The following URB1 variants were observed in gnomAD, a reference collection of about 807,000 sequenced individuals.
URB1 encodes URB1 ribosome biogenesis factor, also known as nucleolar pre-ribosomal-associated protein 1.
In URB1, 197 loss-of-function variants were observed where a neutral mutation model predicts 242.3. The observed-to-expected ratio is 0.81, with a 90% CI of 0.72 to 0.91. The LOEUF (loss-of-function observed/expected upper bound fraction) is 0.91, where lower values mean the gene tolerates loss of function less well. Among genes scored for constraint, URB1 ranks in the 40% least tolerant of loss-of-function variants. URB1 has a pLI of 0.00. For synonymous variants in URB1, 1,153 were observed against 1,201.8 expected (o/e 0.96, Z 0.84); for missense variants, 2,721 against 2,860.5 (o/e 0.95, Z 1.11).
chr21:32,363,865 G>A (rs2033316715), intron 10 of URB1, among the ~76,000 whole-genome samples: 1 of 151,796 alleles, frequency 6.6e-6, no homozygotes. Flanking sequence ...ATGTTGCCCA[G>A]GCCGGCCTCA....
In URB1 at chr21:32,354,964, A is replaced by G. The variant is rs756572863; in HGVS notation, c.2140T>C (p.Tyr714His). 1 of 1,551,908 alleles carries G rather than the reference A, an allele frequency of 6.4e-7. No homozygotes were observed. The highest frequency in any genetic ancestry group is 1.4e-5 in the African/African-American group (1 of 73,160). Residue 714 changes from tyrosine (Y) to histidine (H), a missense_variant, in exon 17 of 39, where the codon TAC (tyrosine) becomes CAC (histidine). Transcript: ENST00000382751. ...LLTLVANPYS[Y>H]TDKASDFVQE... is the part of the protein sequence containing the mutation. ...ACAAAGTCAGATGCTTTGTCTGTGT[A>G]TGAATAGGGATTCGCCACCAATGTC...
Position 32,373,653 on chromosome 21 carries a change from A to G in URB1, c.870T>C (p.Asn290=). ...AACCAAAAAGTGTCTGCACCTTGAC[A>G]TTTTCTGGGTTCACATCGGTAATCC... The part of the protein sequence containing the change: ...WNGITDVNPE[N]VKVSAEEAGK... The change falls in exon 7 of 39, where the codon AAT becomes AAC. Residue 290 remains asparagine (N), a synonymous_variant. Transcript: ENST00000382751. 1.3e-6 allele frequency: 2 copies of G among 1,536,974 alleles called. No homozygotes were observed. Among genetic ancestry groups the G allele is most frequent in the Non-Finnish European group, 1.8e-6 (2 of 1,142,690 alleles).
Position 32,378,436 on chromosome 21 carries a change from TACACCTACCTTTCACTTCCA to T in URB1, c.653_664+8del. ...TGGGCTTTCCTAACGGACAAGGGAGTACACCTACCTTTCACTTCCAACACCTGCACTATAGTGCTGTCATC... is the reference window on the plus strand; with the variant it reads ...TGGGCTTTCCTAACGGACAAGGGAGTACACCTGCACTATAGTGCTGTCATC... On this transcript the variant is annotated splice_donor_variant and splice_donor_5th_base_variant and coding_sequence_variant and intron_variant, in exon 5 of 39. Coordinates refer to ENST00000382751, the MANE Select transcript of URB1 (RefSeq NM_014825.3). LOFTEE classifies it high-confidence loss of function. 6.5e-7 allele frequency: 1 copy of T among 1,548,160 alleles called. No individual in the cohort carries two copies. Among genetic ancestry groups the T allele is most frequent in the Non-Finnish European group, 8.7e-7 (1 of 1,143,898 alleles).
chr21:32,349,229 T>C, intron 21 of URB1, 75 bp downstream of exon 21: 1 of 1,434,110 alleles, frequency 7.0e-7, no homozygotes, highest in Non-Finnish European at 9.2e-7. Flanking sequence ...CCTATGTTTG[T>C]TTTTAATCAG....
At chr21:32,378,346 T>C in intron 5 of URB1, 99 bp downstream of exon 5, 2 of 1,114,856 alleles carry the variant, frequency 1.8e-6, no homozygotes, top group Non-Finnish European at 2.6e-6. Flanking sequence ...ACACAGCAAC[T>C]GCAAAGGCTG....
At chr21:32,365,128 G>A (rs149267323) in intron 10 of URB1, among the ~76,000 whole-genome samples, 65 of 152,346 alleles carry the variant, frequency 4.3e-4, no homozygotes, top group African/African-American at 1.5e-3. Context: ...AGCTTGGAAG[G>A]GAGAGCAAAT....
rs1429916047 is a variant in URB1 at position 32,353,997 on chromosome 21, ACTGAATG to A, written c.2345_2351del (p.Pro782LeufsTer3). The A allele has an allele frequency of 3.2e-6, 5 of 1,551,658 alleles. No individual in the cohort carries two copies. The South Asian group carries it at 4.8e-5, about 15-fold the overall frequency. The stretch of plus-strand genomic sequence containing the variant: ...CTTCCAGGGCCGCAGGGACTACCGC[ACTGAATG>A]GGAACGTGAGCAGGATCATGTCTTC... On this transcript the variant is annotated frameshift_variant, in exon 18 of 39. Transcript: ENST00000382751. LOFTEE classifies it high-confidence loss of function.
chr21:32,352,549 G>A (rs922811527), intron 19 of URB1, among the ~76,000 whole-genome samples, 161 bp downstream of exon 19: 2 of 152,188 alleles, frequency 1.3e-5, no homozygotes, highest in African/African-American at 4.8e-5. Flanking sequence ...GAGCACCAGG[G>A]ATACTACTTA....
chr21:32,337,403 C>T lies in URB1; in HGVS notation c.4621+1G>A, dbSNP rs1254497640. 1 of 1,550,830 alleles carries T rather than the reference C, an allele frequency of 6.4e-7. No individual in the cohort carries two copies. Among genetic ancestry groups the T allele is most frequent in the East Asian group, 2.4e-5 (1 of 40,920 alleles). ...ACACTACCCAGCCCTCACACCCTCA[C>T]CTAGGACGCTGAGAGTGGCGCCATA... On this transcript the variant is annotated splice_donor_variant, in intron 27 of 38. Coordinates refer to ENST00000382751, the MANE Select transcript of URB1 (RefSeq NM_014825.3). LOFTEE classifies it high-confidence loss of function.
chr21:32,311,639 C>G lies in URB1; in HGVS notation c.*3279G>C. 6.2e-7 allele frequency: 1 copy of G among 1,604,348 alleles called. No homozygotes were observed. On this transcript the variant is annotated 3_prime_UTR_variant, in exon 39 of 39. Coordinates refer to ENST00000382751, the MANE Select transcript of URB1 (RefSeq NM_014825.3). Reference sequence around the variant, plus strand: ...CCCCAGCCCCACAGTATGGACTGTTCTGCAGCAACTATGATGCCTGCCTCC... The same window carrying G: ...CCCCAGCCCCACAGTATGGACTGTTGTGCAGCAACTATGATGCCTGCCTCC...
chr21:32,375,989 A>C (rs1279426291), intron 5 of URB1, among the ~76,000 whole-genome samples: 1 of 152,164 alleles, frequency 6.6e-6, no homozygotes. Flanking sequence ...ACAAAAAGGA[A>C]GAAAGAAAAG....
intron 8 of URB1, among the ~76,000 whole-genome samples, chr21:32,369,127 G>A (rs2033379432): frequency 6.6e-6 from 1 of 152,174 alleles, no homozygotes; most frequent in South Asian, 2.1e-4. Flanking sequence ...AGGATCACCT[G>A]AGGTCAGGAG....
Position 32,357,652 on chromosome 21 carries a change from C to G in URB1, c.1874G>C (p.Gly625Ala). 1.3e-6 allele frequency: 2 copies of G among 1,485,070 alleles called. No individual in the cohort carries two copies. The highest frequency in any genetic ancestry group is 1.8e-6 in the Non-Finnish European group (2 of 1,119,578). 92.0% of individuals were successfully genotyped at this position (1,485,070 alleles called of 1,614,324 possible). A position where few individuals can be genotyped will look rare whatever the true frequency, so the allele number is the denominator to read the frequency against. The change falls in exon 15 of 39, where the codon GGC (glycine) becomes GCC (alanine). Residue 625 changes from glycine (G) to alanine (A), a missense_variant. By Grantham distance (60) the Gly-to-Ala change is moderately conservative (BLOSUM62 0). Coordinates refer to ENST00000382751, the MANE Select transcript of URB1 (RefSeq NM_014825.3). ...SKFLWLKAQEGPDAEIIGGER... is the reference protein window; with the variant it reads ...SKFLWLKAQEAPDAEIIGGER... ...ACCTCCAATAATTTCTGCATCTGGG[C>G]CTTCCTAGAGTTTAAACAATATTAC...
rs761766790 is a variant in URB1 at position 32,320,025 on chromosome 21, C to CA, written c.5594+505dup. ...CAAACAGCAGGAGAATCAGGAATCA[C>CA]AATAAATCATCAAGTTCAGACCCCT... is the stretch of plus-strand genomic sequence containing the variant. On this transcript the variant is annotated intron_variant, in intron 35 of 38. Transcript: ENST00000382751. Among the ~76,000 whole-genome samples the CA allele has an allele frequency of 3.9e-5, 6 of 152,312 alleles. No individual in the cohort carries two copies. The East Asian group carries it at 5.8e-4, about 15-fold the overall frequency.
intron 11 of URB1, 21 bp from the exon 12 acceptor site, chr21:32,362,042 G>C (rs760401678): frequency 1.6e-5 from 25 of 1,550,244 alleles, no homozygotes; most frequent in South Asian, 1.1e-4. Context: ...AAAAGAAGCA[G>C]AACATTAGTT....
chr21:32,330,169 C>T (rs1601125366), intron 30 of URB1, among the ~76,000 whole-genome samples: 1 of 143,996 alleles, frequency 6.9e-6, no homozygotes. Context: ...CTCAGAGCAA[C>T]ATCTAAGAAA....
chr21:32,347,320 C>T lies in URB1; in HGVS notation c.3504G>A (p.Gln1168=), dbSNP rs1253247368. Residue 1168 remains glutamine (Q), a synonymous_variant, in exon 22 of 39, where the codon CAG becomes CAA. Coordinates refer to ENST00000382751, the MANE Select transcript of URB1 (RefSeq NM_014825.3). ...VQLLTCSPQD[Q]LQSGELLWSS... is the part of the protein sequence containing the mutation. Reference sequence around the variant, plus strand: ...ACCACAGGAGCTCACCACTCTGCAGCTGATCCTGGGGGCTGCAGGTCAGCA... The same window carrying T: ...ACCACAGGAGCTCACCACTCTGCAGTTGATCCTGGGGGCTGCAGGTCAGCA... The T allele has an allele frequency of 6.4e-7, 1 of 1,551,196 alleles. No homozygotes were observed. Among genetic ancestry groups the T allele is most frequent in the African/African-American group, 1.4e-5 (1 of 73,066 alleles).
chr21:32,359,749 C>T (rs2033263007), intron 14 of URB1, 47 bp downstream of exon 14: 6 of 1,485,748 alleles, frequency 4.0e-6, no homozygotes. Context: ...AGCCACCCGG[C>T]CCAGCAGGTA....
chr21:32,338,279 C>G (rs2123567077), intron 26 of URB1, among the ~76,000 whole-genome samples: 1 of 152,256 alleles, frequency 6.6e-6, no homozygotes, highest in African/African-American at 2.4e-5. Context: ...AAGTTCTTTA[C>G]CACTGAACTG....
Sources: allele counts gnomAD v4.1 joint callset (sites outside exome capture counted in the v4.1 genomes callset), GRCh38; gene constraint gnomAD v4.1.1; transcripts MANE v1.5; gene names NCBI Gene and HGNC (gene_info 2026-07-23, HGNC 2026-07-21).